Variants in CHD8 observed in about 807,000 individuals in gnomAD.
CHD8 encodes ATP-dependent chromatin remodeler CHD8.
Under a neutral mutation model 279.2 loss-of-function variants are expected in CHD8, and 31 were observed. The ratio of observed to expected loss-of-function variants is 0.11; its 90% CI spans 0.08 to 0.15. The LOEUF is 0.15. Among genes scored for constraint, CHD8 ranks in the 10% least tolerant of loss-of-function variants. The pLI is 1.00. For missense variants in CHD8, 2,146 were observed against 3,230.5 expected (o/e 0.66, Z 8.14); for synonymous variants, 1,081 against 1,139.6 (o/e 0.95, Z 1.04).
chr14:21,447,988 G>C (rs1372741259), intron 1 of CHD8, among the ~76,000 whole-genome samples: 1 of 152,176 alleles, frequency 6.6e-6, no homozygotes, highest in Non-Finnish European at 1.5e-5. Flanking sequence ...AAGTAACAAT[G>C]TATATTAATT....
intron 30 of CHD8, 173 bp from the exon 31 acceptor site, chr14:21,394,658 T>C (rs925808906): frequency 4.8e-5 from 29 of 602,452 alleles, no homozygotes; most frequent in South Asian, 3.2e-4. Flanking sequence ...TACTCTGTAA[T>C]GAGTAAGAAT....
intron 37 of CHD8, among the ~76,000 whole-genome samples, chr14:21,390,471 C>A (rs566218318): frequency 6.6e-6 from 1 of 152,194 alleles, no homozygotes; most frequent in Non-Finnish European, 1.5e-5. Context: ...CACAGGACTG[C>A]AAAAATACTG....
rs1351156535 is a variant in CHD8, at chr14:21,392,634, G to A, written c.6644C>T (p.Thr2215Ile). The A allele has an allele frequency of 6.2e-7, 1 of 1,614,020 alleles. No homozygotes were observed. Among genetic ancestry groups the A allele is most frequent in the Admixed American group, 1.7e-5 (1 of 60,028 alleles). ...PGEYGDSPVPTPRSSSAASMA... is the reference protein window; with the variant it reads ...PGEYGDSPVPIPRSSSAASMA... ...GGAAGCTGCACTACTACTTCGTGGT[G>A]TGGGGACTGGAGAGTCACCATATTC... is the stretch of plus-strand genomic sequence containing the variant. Residue 2215 changes from threonine to isoleucine, a missense_variant, in exon 34 of 38, where the codon ACA (threonine) becomes ATA (isoleucine). Thr to Ile is a moderately conservative substitution (Grantham distance 89). Around this residue, in one of 26 missense-constraint regions of CHD8, gnomAD observed 513 missense variants for 637.6 expected, o/e 0.80. Transcript: ENST00000646647.
At chr14:21,449,136 T>C (rs1890199287) in intron 1 of CHD8, among the ~76,000 whole-genome samples, 2 of 152,150 alleles carry the variant, frequency 1.3e-5, no homozygotes, top group Admixed American at 6.5e-5. Flanking sequence ...ACTGCGCCAC[T>C]GCACTCCAGC....
chr14:21,450,011 G>A (rs1890219941), intron 1 of CHD8, among the ~76,000 whole-genome samples: 1 of 152,158 alleles, frequency 6.6e-6, no homozygotes, highest in Non-Finnish European at 1.5e-5. Flanking sequence ...AGGAAGGGGA[G>A]GAAAAACAAG....
intron 13 of CHD8, among the ~76,000 whole-genome samples, chr14:21,407,497 T>C (rs1181782849): frequency 6.6e-6 from 1 of 152,138 alleles, no homozygotes; most frequent in Admixed American, 6.5e-5. Context: ...AAAGATGTGA[T>C]TTGGTAGAAA....
chr14:21,392,665 G>C lies in CHD8; in HGVS notation c.6613C>G (p.Pro2205Ala), dbSNP rs1887599737. The C allele has an allele frequency of 1.2e-6, 2 of 1,613,870 alleles. No individual in the cohort carries two copies. Among genetic ancestry groups the C allele is most frequent in the African/African-American group, 1.3e-5 (1 of 74,916 alleles). ...ACTGGAGAGTCACCATATTCTCCAG[G>C]AGTCAATGAGGGACTGTCTAGCAAG... The part of the protein sequence containing the change: ...NHLLDSPSLT[P>A]GEYGDSPVPT... Residue 2205 changes from proline to alanine, a missense_variant, in exon 34 of 38, where the codon CCT (proline) becomes GCT (alanine). By Grantham distance (27) the Pro-to-Ala change is conservative. Transcript: ENST00000646647.
chr14:21,405,617 G>T lies in CHD8; in HGVS notation c.3051+104C>A. 1 of 1,471,510 alleles carries T rather than the reference G, an allele frequency of 6.8e-7. No individual in the cohort carries two copies. Among genetic ancestry groups the T allele is most frequent in the South Asian group, 1.3e-5 (1 of 77,144 alleles). 91.2% of individuals were successfully genotyped at this position (1,471,510 alleles called of 1,614,324 possible). On this transcript the variant is annotated intron_variant, in intron 15 of 37. Coordinates refer to ENST00000646647, the MANE Select transcript of CHD8 (RefSeq NM_001170629.2). This position sits in a 1 kb window ranked among gnomAD's most constrained non-coding sequence, Gnocchi z 4.2. ...AATGATGTAGGCACAAGGTTATAAG[G>T]AGTTCAGAAAGGCCCTTGAGATACC...
intron 5 of CHD8, among the ~76,000 whole-genome samples, chr14:21,419,285 G>A (rs1028672328): frequency 6.6e-6 from 1 of 152,192 alleles, no homozygotes; most frequent in Non-Finnish European, 1.5e-5. Flanking sequence ...TGGGCCGGGA[G>A]CGGTGGCTCA....
Position 21,385,564 on chromosome 14 carries a change from T to A in CHD8, c.*49A>T. 1 of 1,514,248 alleles carries A rather than the reference T, an allele frequency of 6.6e-7. No individual in the cohort carries two copies. The highest frequency in any genetic ancestry group is 8.8e-7 in the Non-Finnish European group (1 of 1,130,722). 93.8% of individuals were successfully genotyped at this position (1,514,248 alleles called of 1,614,324 possible). On this transcript the variant is annotated 3_prime_UTR_variant, in exon 38 of 38. Coordinates refer to ENST00000646647, the MANE Select transcript of CHD8 (RefSeq NM_001170629.2). ...CGTTTCCATAGTCCAAGGGCCAGAG[T>A]AAATGAAAATACAGCAGCCGCCCAA...
At chr14:21,437,455 G>T (rs1284782647) in intron 1 of CHD8, 2 of 182,898 alleles carry the variant, frequency 1.1e-5, no homozygotes, top group African/African-American at 4.8e-5. Context: ...GGCGAAGCCT[G>T]CAGCTTGCTT....
At chr14:21,418,712 A>C (rs1186942003) in intron 5 of CHD8, among the ~76,000 whole-genome samples, 1 of 152,114 alleles carries the variant, frequency 6.6e-6, no homozygotes, top group Non-Finnish European at 1.5e-5. Context: ...GCTACTCAGA[A>C]GGCTGAGGCA....
intron 1 of CHD8, 58 bp from the exon 2 acceptor site, chr14:21,431,916 A>G (rs1889580854): frequency 2.6e-6 from 3 of 1,166,334 alleles, no homozygotes; most frequent in Non-Finnish European, 3.9e-6. Context: ...TCTCAGAGAA[A>G]ATTTTCCCTT....
chr14:21,406,322 T>G (rs947002186), intron 14 of CHD8, among the ~76,000 whole-genome samples: 2 of 152,244 alleles, frequency 1.3e-5, no homozygotes, highest in Non-Finnish European at 2.9e-5. Flanking sequence ...AAAGTGACAC[T>G]GTGTGAGTTT....
chr14:21,406,797 C>T lies in CHD8; in HGVS notation c.2907+59G>A, dbSNP rs1888271954. 1.2e-5 allele frequency: 17 copies of T among 1,452,160 alleles called. No homozygotes were observed. In the South Asian group the frequency reaches 2.2e-4, roughly 19 times the overall value. The allele number at this position is 1,452,160 out of a possible 1,614,324, so 90.0% of individuals were successfully genotyped here. A position where few individuals can be genotyped will look rare whatever the true frequency, so the allele number is the denominator to read the frequency against. Reference sequence around the variant, plus strand: ...CTGCTAAACTAGGGTTATTTTAATACCGCAAGGAATTACGGTTTATTCCAG... The same window carrying T: ...CTGCTAAACTAGGGTTATTTTAATATCGCAAGGAATTACGGTTTATTCCAG... On this transcript the variant is annotated intron_variant, in intron 14 of 37. Transcript: ENST00000646647.
chr14:21,440,288 C>T (rs1165601540), intron 1 of CHD8, among the ~76,000 whole-genome samples: 1 of 152,026 alleles, frequency 6.6e-6, no homozygotes, highest in Non-Finnish European at 1.5e-5. Context: ...CTCACTGCAA[C>T]CTCTGCCTCC....
In CHD8 at chr14:21,393,941, C is replaced by G; in HGVS notation, c.5854G>C (p.Asp1952His). The change falls in exon 32 of 38, where the codon GAC (aspartate) becomes CAC (histidine). Residue 1952 changes from aspartate to histidine, a missense_variant. By Grantham distance (81) the Asp-to-His change is moderately conservative. Around this residue, in one of 26 missense-constraint regions of CHD8, gnomAD observed 513 missense variants for 637.6 expected, o/e 0.80. Coordinates refer to ENST00000646647, the MANE Select transcript of CHD8 (RefSeq NM_001170629.2). ...VSQTDCNIMQ[D>H]PDFSFLAARM... ...GCAGCCAGAAAAGAGAAGTCTGGGT[C>G]CTGCATGATGTTGCAGTCTGTTTGG... 1 of 1,613,946 alleles carries G rather than the reference C, an allele frequency of 6.2e-7. No individual in the cohort carries two copies. Among genetic ancestry groups the G allele is most frequent in the Non-Finnish European group, 8.5e-7 (1 of 1,179,882 alleles).
chr14:21,387,258 G>A (rs1887292724), intron 37 of CHD8, among the ~76,000 whole-genome samples: 2 of 151,826 alleles, frequency 1.3e-5, no homozygotes. Context: ...GGCTGAGGCA[G>A]GTGGATCACT....
At chr14:21,454,378 C>T (rs1890335332) in intron 1 of CHD8, among the ~76,000 whole-genome samples, 1 of 152,176 alleles carries the variant, frequency 6.6e-6, no homozygotes, top group African/African-American at 2.4e-5. Context: ...AATGCAGGGG[C>T]ACGATCTTGG....
Sources: gnomAD v4.1 joint callset for allele counts (sites outside exome capture counted in the v4.1 genomes callset) on GRCh38, gnomAD v4.1.1 for gene constraint, gnomAD v4.1.1 regional missense constraint, Gnocchi (gnomAD v3.1) non-coding constraint, MANE v1.5 for transcripts, NCBI Gene and HGNC (gene_info 2026-07-23, HGNC 2026-07-21) for gene names.